Variants in DCLK2 observed in about 807,000 individuals in gnomAD.
DCLK2 encodes the protein doublecortin like kinase 2.
A neutral mutation model predicts 78.4 loss-of-function variants in DCLK2; 31 were observed. That is an observed-to-expected ratio of 0.40 (90% confidence interval 0.30 to 0.53). The LOEUF is 0.53. Ranked by LOEUF, DCLK2 falls within the 20% of genes least tolerant of loss-of-function variation. DCLK2 has a pLI of 0.61. For synonymous variants in DCLK2, 407 were observed against 374.9 expected (o/e 1.09, Z -0.99); for missense variants, 872 against 973.7 (o/e 0.90, Z 1.39).
chr4:150,221,394 G>C (rs1287585794), intron 6 of DCLK2, among the ~76,000 whole-genome samples: 1 of 150,452 alleles, frequency 6.6e-6, no homozygotes, highest in Admixed American at 6.6e-5. Context: ...GTTTGGATAA[G>C]TTTTAGTGAA....
At chr4:150,208,605 G>T (rs1027792022) in intron 5 of DCLK2, among the ~76,000 whole-genome samples, 1 of 151,980 alleles carries the variant, frequency 6.6e-6, no homozygotes, top group Non-Finnish European at 1.5e-5. Context: ...GAATAGGGAG[G>T]GGGAGGTGTG....
intron 2 of DCLK2, among the ~76,000 whole-genome samples, chr4:150,191,142 A>T (rs928888105): frequency 1.3e-5 from 2 of 151,928 alleles, no homozygotes; most frequent in African/African-American, 2.4e-5. Flanking sequence ...ACAAACAAAA[A>T]ACCCATTAGC....
At chr4:150,225,361 T>C (rs1741522836) in intron 8 of DCLK2, among the ~76,000 whole-genome samples, 2 of 152,234 alleles carry the variant, frequency 1.3e-5, no homozygotes, top group Non-Finnish European at 2.9e-5. Flanking sequence ...ACTCTCTAAC[T>C]GGGGTTGGGA....
At chr4:150,190,653 G>A (rs1738384807) in intron 2 of DCLK2, among the ~76,000 whole-genome samples, 2 of 152,130 alleles carry the variant, frequency 1.3e-5, no homozygotes, top group African/African-American at 4.8e-5. Context: ...AGGGGTTTAT[G>A]GGGAGTGACT....
At chr4:150,221,834 T>C in intron 7 of DCLK2, 49 bp downstream of exon 7, 1 of 1,216,832 alleles carries the variant, frequency 8.2e-7, no homozygotes, top group East Asian at 2.6e-5. Context: ...TGATAAATAA[T>C]GAAAACTGTA....
rs1327677793 is a variant in DCLK2, at chr4:150,078,610, GCGCTCC to G, written c.-415_-410del. 6.6e-6 allele frequency: 1 copy of G among 152,252 alleles called. No homozygotes were observed. Among genetic ancestry groups the G allele is most frequent in the Non-Finnish European group, 1.5e-5 (1 of 68,346 alleles). 9.4% of individuals were successfully genotyped at this position (152,252 alleles called of 1,614,324 possible). A position where few individuals can be genotyped will look rare whatever the true frequency, so the allele number is the denominator to read the frequency against. ...CACCCTTCCTTCCTTCCTCCCCTCG[GCGCTCC>G]CGGGAGCGCTCGGCAGACGCCCGAG... On this transcript the variant is annotated 5_prime_UTR_variant, in exon 1 of 16. Transcript: ENST00000296550.
chr4:150,087,502 A>G (rs1729730201), intron 1 of DCLK2, among the ~76,000 whole-genome samples: 2 of 152,380 alleles, frequency 1.3e-5, no homozygotes, highest in East Asian at 1.9e-4. Context: ...TTAATAGAAG[A>G]AAAGGCACGC....
intron 8 of DCLK2, among the ~76,000 whole-genome samples, chr4:150,225,672 T>C (rs7442345): frequency 6.6e-6 from 1 of 152,254 alleles, no homozygotes; most frequent in Admixed American, 6.5e-5. Context: ...AATATCTTTG[T>C]ATATGATCAC....
intron 2 of DCLK2, among the ~76,000 whole-genome samples, chr4:150,114,420 A>G (rs561030038): frequency 8.5e-5 from 13 of 152,134 alleles, no homozygotes; most frequent in African/African-American, 2.9e-4. Flanking sequence ...TTGTTACTAG[A>G]TGTAAGGTAC....
chr4:150,182,023 G>A (rs180887776), intron 2 of DCLK2, among the ~76,000 whole-genome samples: 1 of 151,576 alleles, frequency 6.6e-6, no homozygotes, highest in Admixed American at 6.6e-5. Flanking sequence ...TTCAGATATG[G>A]TTTCCCTGTT....
At chr4:150,082,200 G>C (rs1366627332) in intron 1 of DCLK2, among the ~76,000 whole-genome samples, 1 of 152,008 alleles carries the variant, frequency 6.6e-6, no homozygotes, top group African/African-American at 2.4e-5. Flanking sequence ...TGTCAAAATT[G>C]ACTGCTTTAT....
intron 4 of DCLK2, among the ~76,000 whole-genome samples, chr4:150,198,482 C>CA (rs1553967853): frequency 6.6e-6 from 1 of 151,876 alleles, no homozygotes; most frequent in African/African-American, 2.4e-5. Flanking sequence ...CACATGCACA[C>CA]ACTCTGCCCA....
At chr4:150,167,748 A>G (rs1252732419) in intron 2 of DCLK2, among the ~76,000 whole-genome samples, 3 of 152,130 alleles carry the variant, frequency 2.0e-5, no homozygotes, top group African/African-American at 7.2e-5. Context: ...CAGATAGAAA[A>G]CACCCAAAAC....
intron 2 of DCLK2, among the ~76,000 whole-genome samples, chr4:150,145,202 G>T (rs1277293585): frequency 7.3e-6 from 1 of 137,854 alleles, no homozygotes; most frequent in Non-Finnish European, 1.6e-5. Flanking sequence ...ATCTTTCAAG[G>T]AATGGTGACT....
At chr4:150,233,153 C>T (rs1049466082) in intron 10 of DCLK2, among the ~76,000 whole-genome samples, 12 of 152,112 alleles carry the variant, frequency 7.9e-5, no homozygotes, top group Admixed American at 3.9e-4. Flanking sequence ...ACAATCATGG[C>T]GGAAGGCGAA....
At chr4:150,224,463 T>G (rs1741443611) in intron 7 of DCLK2, 38 bp from the exon 8 acceptor site, 5 of 1,542,952 alleles carry the variant, frequency 3.2e-6, no homozygotes, top group Non-Finnish European at 4.4e-6. Flanking sequence ...GGTATTTAAT[T>G]TATGTCTTTA....
At chr4:150,127,603 G>A (rs530178779) in intron 2 of DCLK2, among the ~76,000 whole-genome samples, 4 of 152,132 alleles carry the variant, frequency 2.6e-5, no homozygotes, top group South Asian at 2.1e-4. Context: ...TGATTAGACC[G>A]TATGACCAAC....
chr4:150,256,415 G>A lies in DCLK2; in HGVS notation c.*168G>A. 1.1e-6 allele frequency: 1 copy of A among 903,870 alleles called. No homozygotes were observed. Among genetic ancestry groups the A allele is most frequent in the Non-Finnish European group, 1.6e-6 (1 of 622,420 alleles). The allele number at this position is 903,870 out of a possible 1,614,324, so 56.0% of individuals were successfully genotyped here. A position where few individuals can be genotyped will look rare whatever the true frequency, so the allele number is the denominator to read the frequency against. On this transcript the variant is annotated 3_prime_UTR_variant, in exon 16 of 16. Transcript: ENST00000296550. Reference sequence around the variant, plus strand: ...CCGGAGCCTGGCGTGCCGGAGCCTGGCCTGGTGCTCTGGGCTCTGCCTTCT... The same window carrying A: ...CCGGAGCCTGGCGTGCCGGAGCCTGACCTGGTGCTCTGGGCTCTGCCTTCT...
At chr4:150,219,035 C>G (rs1481578488) in intron 5 of DCLK2, among the ~76,000 whole-genome samples, 1 of 152,018 alleles carries the variant, frequency 6.6e-6, no homozygotes, top group Non-Finnish European at 1.5e-5. Context: ...GAGACCCTGT[C>G]TCTACGAAAA....
Sources: gnomAD v4.1 joint callset for allele counts (sites outside exome capture counted in the v4.1 genomes callset) on GRCh38, gnomAD v4.1.1 for gene constraint, MANE v1.5 for transcripts, NCBI Gene and HGNC (gene_info 2026-07-23, HGNC 2026-07-21) for gene names.